LPAR1: variants seen among roughly 807,000 people sequenced by gnomAD.
LPAR1 encodes the protein LPA receptor 1.
LPAR1 carries 5 observed loss-of-function variants against 23.8 expected under a neutral mutation model. That is an observed-to-expected ratio of 0.21 (90% confidence interval 0.11 to 0.44). The LOEUF (loss-of-function observed/expected upper bound fraction) is 0.44, where lower values mean the gene tolerates loss of function less well. Ranked by LOEUF, LPAR1 falls within the 20% of genes least tolerant of loss-of-function variation. The probability of loss-of-function intolerance (pLI) is 0.99; values close to 1 mark genes in which losing one functional copy is unlikely to be tolerated. For synonymous variants in LPAR1, 160 were observed against 164.7 expected (o/e 0.97, Z 0.22); for missense variants, 311 against 482.8 (o/e 0.64, Z 3.33).
chr9:110,936,982 TC>T (rs2094752725), intron 5 of LPAR1, among the ~76,000 whole-genome samples: 1 of 152,152 alleles, frequency 6.6e-6, no homozygotes, highest in African/African-American at 2.4e-5. Context: ...TGGTAAAATG[TC>T]AAGTAGGGAG....
At chr9:110,978,298 GC>G (rs2096601591) in intron 2 of LPAR1, among the ~76,000 whole-genome samples, 1 of 152,074 alleles carries the variant, frequency 6.6e-6, no homozygotes, top group Admixed American at 6.5e-5. Flanking sequence ...TTTTTAAAAA[GC>G]AAAAAATAAA....
intron 5 of LPAR1, among the ~76,000 whole-genome samples, chr9:110,886,305 A>G (rs1163735908): frequency 1.4e-5 from 2 of 147,984 alleles, no homozygotes; most frequent in African/African-American, 5.0e-5. Flanking sequence ...CAGAGGTTGC[A>G]GTGAGCAAAG....
chr9:110,906,707 G>T (rs1475544990), intron 5 of LPAR1, among the ~76,000 whole-genome samples: 2 of 151,962 alleles, frequency 1.3e-5, no homozygotes, highest in African/African-American at 4.8e-5. Context: ...TAAAACAGCT[G>T]ATTTTCTTCT....
intron 2 of LPAR1, among the ~76,000 whole-genome samples, chr9:111,031,377 T>G (rs1588954619): frequency 8.3e-6 from 1 of 120,758 alleles, no homozygotes; most frequent in African/African-American, 3.3e-5. Flanking sequence ...GGTAATGTAG[T>G]GAGAGCCCAT....
chr9:111,038,387 G>T lies in LPAR1; in HGVS notation c.-482C>A. On this transcript the variant is annotated 5_prime_UTR_variant, in exon 1 of 6. Coordinates refer to ENST00000683809, the MANE Select transcript of LPAR1 (RefSeq NM_001351411.2). This position sits in a 1 kb window ranked among gnomAD's most constrained non-coding sequence, Gnocchi z 4.4. Reference sequence around the variant, plus strand: ...GGCTCCGCGGCTCCGGGCCCTGGCCGCCCCAGATCCGGCCCGCGCTCCGCA... The same window carrying T: ...GGCTCCGCGGCTCCGGGCCCTGGCCTCCCCAGATCCGGCCCGCGCTCCGCA... The T allele has an allele frequency of 5.3e-6, 1 of 189,766 alleles. No homozygotes were observed. Among genetic ancestry groups the T allele is most frequent in the South Asian group, 6.7e-5 (1 of 14,990 alleles). The allele number at this position is 189,766 out of a possible 1,614,324, so 11.8% of individuals were successfully genotyped here. A position where few individuals can be genotyped will look rare whatever the true frequency, so the allele number is the denominator to read the frequency against.
intron 2 of LPAR1, among the ~76,000 whole-genome samples, chr9:110,995,673 A>G (rs1459862094): frequency 3.3e-5 from 5 of 152,232 alleles, no homozygotes; most frequent in African/African-American, 1.2e-4. Context: ...GCACCAAGAA[A>G]GAGCTGGCCT....
At chr9:111,008,367 GTTTA>G (rs1791812254) in intron 2 of LPAR1, among the ~76,000 whole-genome samples, 2 of 151,946 alleles carry the variant, frequency 1.3e-5, no homozygotes, top group African/African-American at 4.8e-5. Context: ...CTCTGTAAAT[GTTTA>G]CCCAAGTTGG....
At chr9:110,911,951 C>T (rs1033390602) in intron 5 of LPAR1, among the ~76,000 whole-genome samples, 6 of 152,106 alleles carry the variant, frequency 3.9e-5, no homozygotes, top group East Asian at 1.9e-4. Flanking sequence ...ATTGTTTTAA[C>T]GGCCAGCCGG....
chr9:110,921,031 G>A (rs968024579), intron 5 of LPAR1, among the ~76,000 whole-genome samples: 7 of 151,908 alleles, frequency 4.6e-5, no homozygotes, highest in Non-Finnish European at 1.0e-4. Context: ...AGCTGCACAC[G>A]AGGCTAAAGT....
intron 5 of LPAR1, among the ~76,000 whole-genome samples, chr9:110,934,970 C>T (rs895480038): frequency 4.6e-5 from 7 of 152,106 alleles, no homozygotes; most frequent in Non-Finnish European, 1.0e-4. Context: ...ATGTGAAAAG[C>T]TACTATATGT....
At chr9:111,010,190 G>A (rs976525542) in intron 2 of LPAR1, among the ~76,000 whole-genome samples, 32 of 152,010 alleles carry the variant, frequency 2.1e-4, no homozygotes, top group African/African-American at 7.5e-4. Flanking sequence ...TGACAGGAAA[G>A]CACTGCCTTT....
rs73657209 is a variant in LPAR1, at chr9:110,950,182, A to T, written c.46-8014T>A. ...TTCACTTTCAAACAGAAACAAGGAC[A>T]GGCGTGGTGGTTGATGCCTGTAATC... is the stretch of plus-strand genomic sequence containing the variant. On this transcript the variant is annotated intron_variant, in intron 4 of 5. Transcript: ENST00000683809. 8.1e-3 allele frequency among the ~76,000 whole-genome samples: 1,229 copies of T among 152,140 alleles called. 23 individuals are homozygous for T. The highest frequency in any genetic ancestry group is 0.028 in the African/African-American group (1,174 of 41,492).
At chr9:110,966,412 G>C (rs1342118340) in intron 4 of LPAR1, among the ~76,000 whole-genome samples, 1 of 151,330 alleles carries the variant, frequency 6.6e-6, no homozygotes, top group Non-Finnish European at 1.5e-5. Flanking sequence ...TCAGGAGGCA[G>C]AGGTTGTGGC....
chr9:111,012,208 G>A (rs2097344245), intron 2 of LPAR1, among the ~76,000 whole-genome samples: 1 of 152,134 alleles, frequency 6.6e-6, no homozygotes, highest in East Asian at 1.9e-4. Flanking sequence ...CAGTTATCAT[G>A]CCACTGCACT....
intron 2 of LPAR1, among the ~76,000 whole-genome samples, chr9:111,030,581 G>A (rs2097778148): frequency 6.6e-6 from 1 of 152,182 alleles, no homozygotes; most frequent in Non-Finnish European, 1.5e-5. Context: ...AAGGTTCACA[G>A]ATGCCAAACA....
chr9:110,959,228 C>A (rs2095867777), intron 4 of LPAR1, among the ~76,000 whole-genome samples: 1 of 145,814 alleles, frequency 6.9e-6, no homozygotes, highest in African/African-American at 2.6e-5. Flanking sequence ...TATCCCTCTA[C>A]TGGCTATTTA....
At chr9:110,965,321 A>T (rs2096174592) in intron 4 of LPAR1, among the ~76,000 whole-genome samples, 1 of 152,118 alleles carries the variant, frequency 6.6e-6, no homozygotes, top group Admixed American at 6.6e-5. Flanking sequence ...CTTAAAACCA[A>T]AATGGTTGTG....
At chr9:110,919,666 C>T (rs563416356) in intron 5 of LPAR1, among the ~76,000 whole-genome samples, 2 of 152,206 alleles carry the variant, frequency 1.3e-5, no homozygotes, top group East Asian at 3.9e-4. Context: ...GCCAAGTTCT[C>T]CCACATTAGA....
intron 2 of LPAR1, among the ~76,000 whole-genome samples, chr9:111,028,851 A>C (rs1162142237): frequency 6.6e-6 from 1 of 152,188 alleles, no homozygotes; most frequent in Admixed American, 6.5e-5. Context: ...CAGTAAATTA[A>C]AACTATATCT....
Sources: gnomAD v4.1 joint callset for allele counts (sites outside exome capture counted in the v4.1 genomes callset) on GRCh38, gnomAD v4.1.1 for gene constraint, Gnocchi (gnomAD v3.1) non-coding constraint, MANE v1.5 for transcripts, NCBI Gene and HGNC (gene_info 2026-07-23, HGNC 2026-07-21) for gene names.